Variants in CHRM3 observed in about 807,000 individuals in gnomAD.
CHRM3 encodes the protein muscarinic acetylcholine receptor M3.
CHRM3 carries 11 observed loss-of-function variants against 41.8 expected under a neutral mutation model. The observed-to-expected ratio is 0.26, with a 90% CI of 0.17 to 0.44. The LOEUF (loss-of-function observed/expected upper bound fraction) is 0.44. Ranked by LOEUF, CHRM3 falls within the 20% of genes least tolerant of loss-of-function variation. CHRM3 has a pLI of 1.00. For missense variants in CHRM3, 571 were observed against 745.4 expected (o/e 0.77, Z 2.72); for synonymous variants, 297 against 301.4 (o/e 0.99, Z 0.15).
intron 5 of CHRM3, among the ~76,000 whole-genome samples, chr1:239,784,301 A>G (rs996957101): frequency 2.0e-5 from 3 of 152,034 alleles, no homozygotes; most frequent in African/African-American, 7.2e-5. Context: ...GCCCAAGTTC[A>G]TTGTTCTTAT....
intron 3 of CHRM3, among the ~76,000 whole-genome samples, chr1:239,567,567 G>A (rs1661470731): frequency 6.6e-6 from 1 of 152,092 alleles, no homozygotes; most frequent in South Asian, 2.1e-4. Context: ...TTATCTTGAA[G>A]CAATAATTAA....
intron 3 of CHRM3, among the ~76,000 whole-genome samples, chr1:239,551,175 A>ATT: frequency 2.6e-5 from 2 of 76,060 alleles, no homozygotes; most frequent in African/African-American, 5.7e-5. Flanking sequence ...TTTTTTTGAG[A>ATT]GAGGGAGTTT....
chr1:239,638,711 G>A (rs1396533297), intron 4 of CHRM3, among the ~76,000 whole-genome samples: 1 of 152,116 alleles, frequency 6.6e-6, no homozygotes, highest in Non-Finnish European at 1.5e-5. Flanking sequence ...CATTTTGTAG[G>A]TTGCTGGTTC....
At chr1:239,437,433 A>G (rs61834687) in intron 1 of CHRM3, among the ~76,000 whole-genome samples, 48,812 of 151,876 alleles carry the variant, frequency 0.32, 8,124 homozygotes, top group African/African-American at 0.41. Context: ...TTCTTCCAGA[A>G]CTCTAAAATT....
rs965277162 is a variant in CHRM3 at position 239,716,804 on chromosome 1, G to A, written c.-147+38516G>A. Among the ~76,000 whole-genome samples the A allele has an allele frequency of 1.1e-4, 16 of 151,990 alleles. No homozygotes were observed. In the South Asian group the frequency reaches 1.2e-3, roughly 12 times the overall value. ...GGCCCAAACGTAGCTCAAGGGGAGCGGGGATGTAGCTCTCTGACAAAATGA... is the reference window on the plus strand; with the variant it reads ...GGCCCAAACGTAGCTCAAGGGGAGCAGGGATGTAGCTCTCTGACAAAATGA... On this transcript the variant is annotated intron_variant, in intron 5 of 6. Transcript: ENST00000676153.
chr1:239,772,491 T>G (rs1250921226), intron 5 of CHRM3, among the ~76,000 whole-genome samples: 2 of 152,180 alleles, frequency 1.3e-5, no homozygotes, highest in African/African-American at 4.8e-5. Flanking sequence ...GATTGTGTAT[T>G]ATAGTTATCT....
chr1:239,665,145 TAA>T, intron 4 of CHRM3, among the ~76,000 whole-genome samples: 1 of 144,034 alleles, frequency 6.9e-6, no homozygotes, highest in East Asian at 2.1e-4. Context: ...TTTCCAACGT[TAA>T]AAGTTTGTTT....
chr1:239,643,138 A>G (rs919538079), intron 4 of CHRM3, among the ~76,000 whole-genome samples: 27 of 152,090 alleles, frequency 1.8e-4, no homozygotes, highest in Non-Finnish European at 2.9e-4. Context: ...TTTGTCTCAG[A>G]GGAGTACCTG....
Position 239,909,775 on chromosome 1 carries a change from A to G in CHRM3, c.*551A>G, listed in dbSNP as rs532234524. On this transcript the variant is annotated 3_prime_UTR_variant, in exon 7 of 7. Coordinates refer to ENST00000676153, the MANE Select transcript of CHRM3 (RefSeq NM_001375978.1). ...TTGTTAAACTCTATTTGTGGACTTGATTCTTGATTCTTGCAAAGTACTGTT... is the reference window on the plus strand; with the variant it reads ...TTGTTAAACTCTATTTGTGGACTTGGTTCTTGATTCTTGCAAAGTACTGTT... The G allele has an allele frequency of 1.6e-4, 27 of 167,988 alleles. No homozygotes were observed. The highest frequency in any genetic ancestry group is 6.5e-4 in the African/African-American group (27 of 41,548). 10.4% of individuals were successfully genotyped at this position (167,988 alleles called of 1,614,324 possible).
At chr1:239,879,639 C>G (rs906843257) in intron 6 of CHRM3, among the ~76,000 whole-genome samples, 4 of 152,204 alleles carry the variant, frequency 2.6e-5, no homozygotes, top group Non-Finnish European at 4.4e-5. Context: ...TGAGCAGCCA[C>G]AGCCTGGCAG....
intron 1 of CHRM3, among the ~76,000 whole-genome samples, chr1:239,430,362 TTAAC>T (rs776471180): frequency 1.6e-4 from 24 of 152,108 alleles, no homozygotes; most frequent in Non-Finnish European, 3.1e-4. Context: ...TGATTCCAGA[TTAAC>T]TAAATAGATG....
intron 3 of CHRM3, among the ~76,000 whole-genome samples, chr1:239,613,643 C>A (rs1405331062): frequency 6.6e-6 from 1 of 151,264 alleles, no homozygotes; most frequent in Non-Finnish European, 1.5e-5. Flanking sequence ...AGAAGTAAAA[C>A]AAATATCTGT....
chr1:239,458,263 A>G (rs1054132284), intron 1 of CHRM3, among the ~76,000 whole-genome samples: 1 of 152,144 alleles, frequency 6.6e-6, no homozygotes, highest in Non-Finnish European at 1.5e-5. Flanking sequence ...ACTTTTATCT[A>G]TTAACTATCT....
At chr1:239,545,021 A>C (rs1373715948) in intron 2 of CHRM3, among the ~76,000 whole-genome samples, 1 of 146,410 alleles carries the variant, frequency 6.8e-6, no homozygotes. Context: ...TGTGGTGAAG[A>C]CTAAATGGAA....
Position 239,592,268 on chromosome 1 carries a change from G to GT in CHRM3, c.-312-39951dup, listed in dbSNP as rs1201100668. ...CAGAAATCTTCATTGCAGTGAAGAG[G>GT]TTTTTGCTTTGTCCCTCTAACATAT... On this transcript the variant is annotated intron_variant, in intron 3 of 6. Coordinates refer to ENST00000676153, the MANE Select transcript of CHRM3 (RefSeq NM_001375978.1). 3.9e-5 allele frequency among the ~76,000 whole-genome samples: 6 copies of GT among 152,210 alleles called. No homozygotes were observed. The East Asian group carries it at 1.2e-3, about 29-fold the overall frequency.
intron 6 of CHRM3, among the ~76,000 whole-genome samples, chr1:239,837,300 A>G (rs1352790371): frequency 1.3e-5 from 2 of 152,216 alleles, no homozygotes; most frequent in Non-Finnish European, 2.9e-5. Context: ...CAAGAGTGCC[A>G]GAGAAATATC....
At chr1:239,716,979 C>A (rs1245708664) in intron 5 of CHRM3, among the ~76,000 whole-genome samples, 1 of 151,528 alleles carries the variant, frequency 6.6e-6, no homozygotes, top group Non-Finnish European at 1.5e-5. Flanking sequence ...TATGAGATGA[C>A]ATATTAAGGG....
chr1:239,784,687 C>T (rs1668757220), intron 5 of CHRM3, among the ~76,000 whole-genome samples: 1 of 151,968 alleles, frequency 6.6e-6, no homozygotes, highest in African/African-American at 2.4e-5. Context: ...TTGATTTTAC[C>T]TTTATTTATT....
intron 3 of CHRM3, among the ~76,000 whole-genome samples, chr1:239,557,912 C>T (rs911932000): frequency 6.6e-6 from 1 of 152,104 alleles, no homozygotes; most frequent in African/African-American, 2.4e-5. Flanking sequence ...GATTCCATGT[C>T]TTTGCTATTG....
Sources: gnomAD v4.1 joint callset for allele counts (sites outside exome capture counted in the v4.1 genomes callset) on GRCh38, gnomAD v4.1.1 for gene constraint, MANE v1.5 for transcripts, NCBI Gene and HGNC (gene_info 2026-07-23, HGNC 2026-07-21) for gene names.